CEP290: variants seen among roughly 807,000 people sequenced by gnomAD.
The protein encoded by CEP290 is centrosomal protein 290.
CEP290 carries 317 observed loss-of-function variants against 344.9 expected under a neutral mutation model. The observed-to-expected ratio is 0.92, with a 90% confidence interval of 0.84 to 1.01. The LOEUF (loss-of-function observed/expected upper bound fraction) is 1.01. Among genes scored for constraint, CEP290 ranks in the 50% least tolerant of loss-of-function variants. The pLI, the probability that CEP290 is intolerant of heterozygous loss-of-function variation, is 0.00. For missense variants in CEP290, 2,754 were observed against 2,761.4 expected, an observed-to-expected ratio of 1.00 and a Z score of 0.06; for synonymous variants, 932 against 895.8, an observed-to-expected ratio of 1.04 and a Z score of -0.72.
In CEP290 at chr12:88,084,732, C is replaced by T; in HGVS notation, c.4558G>A (p.Ala1520Thr). Residue 1520 changes from alanine to threonine, a missense_variant, in exon 35 of 54, where the codon GCT becomes ACT. Coordinates refer to ENST00000552810, the MANE Select transcript of CEP290 (RefSeq NM_025114.4). Reference sequence around the variant, plus strand: ...TCCATCTCTTTTCTGCCTAGCTCAGCTATGAGCTTTTCTCTTTCTGCAGTG... The same window carrying T: ...TCCATCTCTTTTCTGCCTAGCTCAGTTATGAGCTTTTCTCTTTCTGCAGTG... ...PATAEREKLI[A>T]ELGRKEMEPK... 3 of 1,613,702 alleles carry T rather than the reference C, an allele frequency of 1.9e-6. No homozygotes were observed. In the South Asian group the frequency reaches 3.3e-5, roughly 18 times the overall value.
chr12:88,086,992 C>T (rs2036632094), intron 32 of CEP290, among the ~76,000 whole-genome samples: 1 of 152,138 alleles, frequency 6.6e-6, no homozygotes, highest in South Asian at 2.1e-4. Flanking sequence ...TATTAGGTGG[C>T]TGGTGAAGGA....
intron 28 of CEP290, chr12:88,093,510 A>G (rs2037202213): frequency 2.9e-6 from 1 of 345,854 alleles, no homozygotes; most frequent in South Asian, 4.4e-5. Context: ...TGGTGGTGAA[A>G]GGCAATTCCA....
In CEP290 at chr12:88,064,239, G is replaced by A. The variant is rs182175544; in HGVS notation, c.6136-124C>T. On this transcript the variant is annotated intron_variant, in intron 44 of 53. Transcript: ENST00000552810. ...TTCCTCAAAGGAATATGAGAAAATC[G>A]GAGTGTTCTGGTGAAAGCCAAAAAT... The A allele has an allele frequency of 4.3e-4, 328 of 769,574 alleles. 2 individuals carry two copies. In the African/African-American group the frequency reaches 4.8e-3, roughly 11 times the overall value. The allele number at this position is 769,574 out of a possible 1,614,324, so 47.7% of individuals were successfully genotyped here.
At chr12:88,141,753 T>C (rs958509838) in intron 1 of CEP290, 147 bp downstream of exon 1, 2 of 152,396 alleles carry the variant, frequency 1.3e-5, no homozygotes, top group Non-Finnish European at 2.9e-5. Context: ...AGTGAAGTTG[T>C]GCGGCGGAAA....
Position 88,142,036 on chromosome 12 carries a change from A to AAGCGGC in CEP290, c.-170_-165dup, listed in dbSNP as rs2040709887. 6.6e-6 allele frequency: 1 copy of AAGCGGC among 152,424 alleles called. No individual in the cohort carries two copies. The highest frequency in any genetic ancestry group is 1.5e-5 in the Non-Finnish European group (1 of 68,246). The allele number at this position is 152,424 out of a possible 1,614,324, so 9.4% of individuals were successfully genotyped here. On this transcript the variant is annotated 5_prime_UTR_variant, in exon 1 of 54. Coordinates refer to ENST00000552810, the MANE Select transcript of CEP290 (RefSeq NM_025114.4). Reference sequence around the variant, plus strand: ...CAGCCAAATGGTCCCGAGCAAGCCAAAGCGGCAGCGGCTGCTAGGCGACAC... The same window carrying AAGCGGC: ...CAGCCAAATGGTCCCGAGCAAGCCAAAGCGGCAGCGGCAGCGGCTGCTAGGCGACAC...
chr12:88,080,426 TTTTTTAA>T (rs1463965587), intron 37 of CEP290, 31 bp from the exon 38 acceptor site: 1 of 1,517,002 alleles, frequency 6.6e-7, no homozygotes, highest in Non-Finnish European at 9.0e-7. Flanking sequence ...TGTGTGTGTG[TTTTTTAA>T]TTTTTAATTT....
At chr12:88,074,306 G>A (rs2035600945) in intron 41 of CEP290, among the ~76,000 whole-genome samples, 1 of 152,030 alleles carries the variant, frequency 6.6e-6, no homozygotes, top group African/African-American at 2.4e-5. Context: ...GAATTTTTCT[G>A]TACTCCCAGA....
At chr12:88,062,988 T>C (rs895727899) in intron 45 of CEP290, among the ~76,000 whole-genome samples, 4 of 152,128 alleles carry the variant, frequency 2.6e-5, no homozygotes, top group Non-Finnish European at 4.4e-5. Context: ...ATTTCCCACA[T>C]TATTGCCTGA....
chr12:88,101,804 T>C (rs1042050982), intron 26 of CEP290, among the ~76,000 whole-genome samples: 1 of 152,104 alleles, frequency 6.6e-6, no homozygotes, highest in Non-Finnish European at 1.5e-5. Flanking sequence ...ACAGAGGACA[T>C]GGAGAATGGA....
At chr12:88,127,758 A>T (rs2039821072) in intron 11 of CEP290, among the ~76,000 whole-genome samples, 1 of 152,198 alleles carries the variant, frequency 6.6e-6, no homozygotes, top group Admixed American at 6.5e-5. Flanking sequence ...TTTGCAAAAT[A>T]ACATATATAA....
intron 17 of CEP290, 110 bp from the exon 18 acceptor site, chr12:88,117,255 T>C (rs2039111331): frequency 3.4e-6 from 2 of 586,368 alleles, no homozygotes; most frequent in Non-Finnish European, 2.9e-6. Flanking sequence ...GGTAGAATAA[T>C]TGTTTCCAAA....
Position 88,086,132 on chromosome 12 carries a change from G to C in CEP290, c.4344C>G (p.Pro1448=). 6.2e-7 allele frequency: 1 copy of C among 1,612,964 alleles called. No individual in the cohort carries two copies. Among genetic ancestry groups the C allele is most frequent in the African/African-American group, 1.3e-5 (1 of 74,960 alleles). Residue 1448 remains proline, a synonymous_variant, in exon 34 of 54, where the codon CCC becomes CCG. Coordinates refer to ENST00000552810, the MANE Select transcript of CEP290 (RefSeq NM_025114.4). ...GAGCGATCTCAAGTTGATTTGGAAGGGGCAAACTAGGGTCAGGGATTGATC... is the reference window on the plus strand; with the variant it reads ...GAGCGATCTCAAGTTGATTTGGAAGCGGCAAACTAGGGTCAGGGATTGATC... ...ATGSIPDPSL[P]LPNQLEIALR... is the part of the protein sequence containing the mutation.
chr12:88,097,803 G>A (rs529860575), intron 26 of CEP290, among the ~76,000 whole-genome samples: 1 of 152,118 alleles, frequency 6.6e-6, no homozygotes, highest in South Asian at 2.1e-4. Context: ...ACAAACTAGT[G>A]CTTACTTCCT....
At position 88,125,244 on chromosome 12, in the gene CEP290, AC is replaced by A; in HGVS notation, c.1189+1del. On this transcript the variant is annotated splice_donor_variant, in intron 13 of 53. Coordinates refer to ENST00000552810, the MANE Select transcript of CEP290 (RefSeq NM_025114.4). LOFTEE classifies it high-confidence loss of function. ...AAAATAACTATATATTTATAAAAAT[AC>A]CTTTGTTTCTTTGGAGCTCATTTTT... The A allele has an allele frequency of 1.3e-6, 1 of 755,116 alleles. No homozygotes were observed. The allele number at this position is 755,116 out of a possible 1,614,324, so 46.8% of individuals were successfully genotyped here.
chr12:88,087,735 A>C (rs1380070526), intron 32 of CEP290, 45 bp downstream of exon 32: 1 of 791,620 alleles, frequency 1.3e-6, no homozygotes, highest in Admixed American at 4.5e-5. Flanking sequence ...AAAAAAAAAA[A>C]AAAAAAAACT....
rs373119842 is a variant in CEP290, at chr12:88,130,248, T to A, written c.669+20A>T. 3.2e-6 allele frequency: 5 copies of A among 1,583,840 alleles called. No individual in the cohort carries two copies. The highest frequency in any genetic ancestry group is 4.3e-6 in the Non-Finnish European group (5 of 1,171,272). ...AGTTTTTAGGAACCATTGCTCTGAATTGACTTCTAGCCATTTTACCTGAAT... is the reference window on the plus strand; with the variant it reads ...AGTTTTTAGGAACCATTGCTCTGAAATGACTTCTAGCCATTTTACCTGAAT... On this transcript the variant is annotated intron_variant, in intron 9 of 53. Coordinates refer to ENST00000552810, the MANE Select transcript of CEP290 (RefSeq NM_025114.4).
chr12:88,133,876 T>C (rs2040215138), intron 6 of CEP290, among the ~76,000 whole-genome samples: 1 of 152,248 alleles, frequency 6.6e-6, no homozygotes, highest in Admixed American at 6.5e-5. Context: ...AACTTAATGC[T>C]AAAGCATTTA....
chr12:88,115,004 T>C, intron 19 of CEP290, 94 bp downstream of exon 19: 1 of 661,968 alleles, frequency 1.5e-6, no homozygotes. Context: ...TAAAGCAGAT[T>C]AGAAAACAGA....
chr12:88,141,970 C>A lies in CEP290; in HGVS notation c.-98G>T, dbSNP rs909708373. On this transcript the variant is annotated 5_prime_UTR_variant, in exon 1 of 54. Transcript: ENST00000552810. ...CACCAAGCTGGACCCGGCCGCGGGC[C>A]CTGACAGATCCCTATCGCGGTTCCA... 2 of 152,324 alleles carry A rather than the reference C, an allele frequency of 1.3e-5. No individual in the cohort carries two copies. Among genetic ancestry groups the A allele is most frequent in the African/African-American group, 4.8e-5 (2 of 41,440 alleles). 9.4% of individuals were successfully genotyped at this position (152,324 alleles called of 1,614,324 possible).
Sources: allele counts gnomAD v4.1 joint callset (sites outside exome capture counted in the v4.1 genomes callset), GRCh38; gene constraint gnomAD v4.1.1; transcripts MANE v1.5; gene names NCBI Gene and HGNC (gene_info 2026-07-23, HGNC 2026-07-21).